Variants in CTNNA2 observed in about 807,000 individuals in gnomAD.
CTNNA2 encodes catenin alpha 2.
Under a neutral mutation model 101.0 loss-of-function variants are expected in CTNNA2, and 42 were observed. That is an observed-to-expected ratio of 0.42 (90% CI 0.32 to 0.54). The LOEUF is 0.54. CTNNA2 is among the 20% of genes least tolerant of loss of function. CTNNA2 has a pLI of 0.14. For synonymous variants in CTNNA2, 450 were observed against 456.4 expected, an observed-to-expected ratio of 0.99 and a Z score of 0.18; for missense variants, 871 against 1,223.1, an observed-to-expected ratio of 0.71 and a Z score of 4.29.
At chr2:79,836,406 G>A (rs547419806) in intron 3 of CTNNA2, among the ~76,000 whole-genome samples, 10 of 152,282 alleles carry the variant, frequency 6.6e-5, no homozygotes, top group Admixed American at 2.0e-4. Flanking sequence ...AGGATAAGAC[G>A]CAGAGTACAC....
chr2:80,127,174 C>G (rs1175344189), intron 7 of CTNNA2, among the ~76,000 whole-genome samples: 1 of 152,162 alleles, frequency 6.6e-6, no homozygotes, highest in Non-Finnish European at 1.5e-5. Context: ...AAGTGTCTGT[C>G]CCCAAATCAA....
chr2:80,302,644 G>T lies in CTNNA2; in HGVS notation c.1057-90567G>T. 1.2e-6 allele frequency: 2 copies of T among 1,608,446 alleles called. No individual in the cohort carries two copies. The highest frequency in any genetic ancestry group is 1.7e-5 in the Admixed American group (1 of 59,914). On this transcript the variant is annotated intron_variant, in intron 7 of 18. Coordinates refer to ENST00000402739, the MANE Select transcript of CTNNA2 (RefSeq NM_001282597.3). This position sits in a 1 kb window ranked among gnomAD's most constrained non-coding sequence, Gnocchi z 6.4. Reference sequence around the variant, plus strand: ...GCCCCTCCCCGCCGTCCGCGAGCGTGGTGGCCGAGCTGGCAGGGGGCCCCA... The same window carrying T: ...GCCCCTCCCCGCCGTCCGCGAGCGTTGTGGCCGAGCTGGCAGGGGGCCCCA...
intron 1 of CTNNA2, 137 bp downstream of exon 1, chr2:79,513,344 C>T (rs1671632305): frequency 6.7e-6 from 1 of 148,978 alleles, no homozygotes; most frequent in South Asian, 2.2e-4. Context: ...TCTCTCCTCT[C>T]CCCTCCTTTC....
chr2:79,674,081 A>G (rs1683028948), intron 2 of CTNNA2, among the ~76,000 whole-genome samples: 2 of 152,314 alleles, frequency 1.3e-5, no homozygotes, highest in African/African-American at 4.8e-5. Flanking sequence ...TTTCTGATTC[A>G]GTAGGTCTGG....
intron 7 of CTNNA2, among the ~76,000 whole-genome samples, chr2:80,381,018 A>G (rs551506187): frequency 3.3e-5 from 5 of 152,126 alleles, no homozygotes; most frequent in South Asian, 2.1e-4. Context: ...TAAAGTTTTC[A>G]TTGGTTCCAA....
intron 1 of CTNNA2, among the ~76,000 whole-genome samples, chr2:79,605,048 A>T (rs1677793974): frequency 6.6e-6 from 1 of 152,128 alleles, no homozygotes. Flanking sequence ...CAATCAATCA[A>T]AACTAATTTT....
intron 1 of CTNNA2, among the ~76,000 whole-genome samples, chr2:79,197,780 G>GGTT (rs891515041): frequency 1.1e-4 from 16 of 152,032 alleles, no homozygotes; most frequent in Admixed American, 1.0e-3. Context: ...TTTTTGTTGT[G>GGTT]GTTGTTGTTG....
At chr2:80,320,287 A>G (rs1204563902) in intron 7 of CTNNA2, among the ~76,000 whole-genome samples, 4 of 152,248 alleles carry the variant, frequency 2.6e-5, no homozygotes, top group Non-Finnish European at 4.4e-5. Context: ...CTTCTAAAAT[A>G]GTAGATCTGC....
At chr2:79,229,870 T>C (rs1674467450) in intron 2 of CTNNA2, among the ~76,000 whole-genome samples, 1 of 152,206 alleles carries the variant, frequency 6.6e-6, no homozygotes, top group Admixed American at 6.5e-5. Context: ...ACTCTTGTTA[T>C]GTTTTAGCAA....
At chr2:80,641,243 TA>T (rs540524794) in intron 18 of CTNNA2, among the ~76,000 whole-genome samples, 10 of 152,184 alleles carry the variant, frequency 6.6e-5, no homozygotes, top group Non-Finnish European at 1.2e-4. Context: ...TGGCTTATTT[TA>T]TTCTATTTAG....
chr2:80,390,711 T>C (rs1188087500), intron 7 of CTNNA2, among the ~76,000 whole-genome samples: 8 of 152,256 alleles, frequency 5.3e-5, no homozygotes, highest in Non-Finnish European at 1.2e-4. Context: ...TGTCATCTGA[T>C]GCTGCATTTG....
chr2:79,752,499 A>T (rs1338319317), intron 3 of CTNNA2, among the ~76,000 whole-genome samples: 4 of 152,252 alleles, frequency 2.6e-5, no homozygotes, highest in South Asian at 4.1e-4. Context: ...GAAAAGAAAG[A>T]ATCCATCCTG....
At chr2:79,990,377 A>C (rs1667895758) in intron 7 of CTNNA2, among the ~76,000 whole-genome samples, 1 of 152,142 alleles carries the variant, frequency 6.6e-6, no homozygotes, top group Non-Finnish European at 1.5e-5. Context: ...CTGTGGCCCT[A>C]CTGATACCAG....
intron 4 of CTNNA2, among the ~76,000 whole-genome samples, chr2:79,468,727 A>G (rs189667740): frequency 6.6e-6 from 1 of 152,266 alleles, no homozygotes; most frequent in Non-Finnish European, 1.5e-5. Context: ...TAAGAAACGC[A>G]CTCAAAACCA....
intron 4 of CTNNA2, among the ~76,000 whole-genome samples, chr2:79,494,137 C>A (rs1040730412): frequency 1.3e-5 from 2 of 152,030 alleles, no homozygotes; most frequent in African/African-American, 4.8e-5. Context: ...TATTTGAATT[C>A]TGAATGCTAC....
At chr2:80,324,016 G>T (rs1485297934) in intron 7 of CTNNA2, among the ~76,000 whole-genome samples, 3 of 152,122 alleles carry the variant, frequency 2.0e-5, no homozygotes, top group Non-Finnish European at 4.4e-5. Flanking sequence ...AGAAAAGCAT[G>T]TAAAAATGGG....
chr2:80,485,839 C>G (rs1686531802), intron 9 of CTNNA2, among the ~76,000 whole-genome samples: 1 of 152,162 alleles, frequency 6.6e-6, no homozygotes, highest in Admixed American at 6.5e-5. Context: ...CAATCACTCT[C>G]TATTACTTAC....
At chr2:79,353,018 G>A (rs1483658798) in intron 3 of CTNNA2, among the ~76,000 whole-genome samples, 1 of 152,110 alleles carries the variant, frequency 6.6e-6, no homozygotes, top group Non-Finnish European at 1.5e-5. Context: ...CTATCATGAG[G>A]CAGCACTAGG....
exon 4 of CTNNA2, chr2:79,373,996 A>C (rs540345945): frequency 6.6e-6 from 1 of 152,328 alleles, no homozygotes; most frequent in East Asian, 1.9e-4. Context: ...CATGAATGTC[A>C]TCTGGCTGAA....
Sources: allele counts gnomAD v4.1 joint callset (sites outside exome capture counted in the v4.1 genomes callset), GRCh38; gene constraint gnomAD v4.1.1; non-coding constraint Gnocchi (gnomAD v3.1); transcripts MANE v1.5; gene names NCBI Gene and HGNC (gene_info 2026-07-23, HGNC 2026-07-21).